TRIM37: variants seen among roughly 807,000 people sequenced by gnomAD.
TRIM37 encodes the protein tripartite motif containing 37.
In TRIM37, 80 loss-of-function variants were observed where a neutral mutation model predicts 129.8. The ratio of observed to expected loss-of-function variants is 0.62; its 90% CI spans 0.51 to 0.74. The LOEUF (loss-of-function observed/expected upper bound fraction) is 0.74, where lower values mean the gene tolerates loss of function less well. Ranked by LOEUF, TRIM37 falls within the 30% of genes least tolerant of loss-of-function variation. The pLI, the probability that TRIM37 is intolerant of heterozygous loss-of-function variation, is 0.00. For missense variants in TRIM37, 1,054 were observed against 1,176.5 expected (o/e 0.90, Z 1.52); for synonymous variants, 389 against 387.1 (o/e 1.00, Z -0.06).
Position 59,025,711 on chromosome 17 carries a change from C to T in TRIM37, c.2257+2704G>A, listed in dbSNP as rs185387305. Among the ~76,000 whole-genome samples, 115 of 152,142 alleles carry T rather than the reference C, an allele frequency of 7.6e-4. 1 individual carries two copies. Among genetic ancestry groups the T allele is most frequent in the African/African-American group, 2.7e-3 (110 of 41,498 alleles). On this transcript the variant is annotated intron_variant, in intron 19 of 23. Transcript: ENST00000262294. ...AATCTTTCTCTGGTTGAAAAAAATT[C>T]GAATATTAAGTGGACCTGTACAGTA...
chr17:59,041,974 T>C, intron 16 of TRIM37, 76 bp from the exon 17 acceptor site: 1 of 975,592 alleles, frequency 1.0e-6, no homozygotes, highest in Non-Finnish European at 1.6e-6. Flanking sequence ...ATAAATTTTA[T>C]GATATGCAGA....
chr17:58,985,405 A>C (rs900990702), intron 24 of TRIM37, among the ~76,000 whole-genome samples: 5 of 152,172 alleles, frequency 3.3e-5, no homozygotes, highest in Non-Finnish European at 5.9e-5. Flanking sequence ...CTGCGAGGAG[A>C]GGGAGTGGTG....
chr17:58,991,979 C>T lies in TRIM37; in HGVS notation c.2891+7402G>A, dbSNP rs1244099488. 2.6e-5 allele frequency among the ~76,000 whole-genome samples: 4 copies of T among 152,210 alleles called. No homozygotes were observed. In the South Asian group the frequency reaches 8.3e-4, roughly 32 times the overall value. The stretch of plus-strand genomic sequence containing the variant: ...TCCACAAGACTGCCCTCATTCCAGA[C>T]ACAAGCTCCAAGTTCCGGGATCCTG... On this transcript the variant is annotated intron_variant, in intron 24 of 24. Coordinates refer to the TRIM37 transcript ENST00000393066.
Position 59,067,690 on chromosome 17 carries a change from C to T in TRIM37, c.809+3133G>A, listed in dbSNP as rs191779494. ...TAGCTGGGATTATAGGCATGCACCA[C>T]CACACCCGGCTAATTTTGTATTTTT... On this transcript the variant is annotated intron_variant, in intron 9 of 23. Transcript: ENST00000262294. Among the ~76,000 whole-genome samples the T allele has an allele frequency of 2.2e-4, 33 of 152,256 alleles. No homozygotes were observed. In the East Asian group the frequency reaches 6.4e-3, roughly 29 times the overall value.
At chr17:59,093,504 G>C (rs1025946845) in intron 2 of TRIM37, among the ~76,000 whole-genome samples, 1 of 152,274 alleles carries the variant, frequency 6.6e-6, no homozygotes, top group South Asian at 2.1e-4. Flanking sequence ...AGCTTTCCCT[G>C]ACACTCTGCA....
chr17:59,078,953 T>C (rs1297164525), intron 7 of TRIM37, among the ~76,000 whole-genome samples: 1 of 152,060 alleles, frequency 6.6e-6, no homozygotes, highest in African/African-American at 2.4e-5. Context: ...TCAAAGATAT[T>C]TGCATCTCAT....
At chr17:59,002,709 C>G (rs2033931371) in intron 22 of TRIM37, among the ~76,000 whole-genome samples, 1 of 152,030 alleles carries the variant, frequency 6.6e-6, no homozygotes, top group Non-Finnish European at 1.5e-5. Context: ...GAAAGGAAAT[C>G]CACAGTGTCA....
At position 59,017,401 on chromosome 17, in the gene TRIM37, G is replaced by A. The variant is rs759865260; in HGVS notation, c.2281C>T (p.Pro761Ser). ...RNSTNKKSNS[P>S]KPARSSVAGS... ...GCTACACTGGATCGAGCTGGCTTGG[G>A]CGAATTACTCTTCTTATTTGTGGCT... is the stretch of plus-strand genomic sequence containing the variant. Residue 761 changes from proline to serine, a missense_variant, in exon 20 of 24, where the codon CCC becomes TCC. Pro to Ser is a moderately conservative substitution (Grantham distance 74). This residue lies in a region of TRIM37 where 287 missense variants were observed against 274.3 expected (regional missense o/e 1.05). Coordinates refer to ENST00000262294, the MANE Select transcript of TRIM37 (RefSeq NM_015294.6). 2 of 1,614,034 alleles carry A rather than the reference G, an allele frequency of 1.2e-6. No individual in the cohort carries two copies. Among genetic ancestry groups the A allele is most frequent in the Admixed American group, 3.3e-5 (2 of 60,000 alleles).
chr17:59,048,348 G>A (rs1418552643), intron 15 of TRIM37, among the ~76,000 whole-genome samples: 2 of 151,970 alleles, frequency 1.3e-5, no homozygotes, highest in African/African-American at 2.4e-5. Flanking sequence ...GCATTCTCTC[G>A]ACCCACTGGG....
chr17:58,982,960 A>G, intron 24 of TRIM37: 1 of 1,554,024 alleles, frequency 6.4e-7, no homozygotes, highest in Non-Finnish European at 8.7e-7. Context: ...GACTATTGGT[A>G]CACATTATAG....
At chr17:59,019,084 A>G (rs2036279040) in intron 19 of TRIM37, among the ~76,000 whole-genome samples, 1 of 152,238 alleles carries the variant, frequency 6.6e-6, no homozygotes, top group African/African-American at 2.4e-5. Context: ...TTTGGAAAAT[A>G]GTCTGGCACT....
At chr17:59,005,194 C>T (rs891528126) in intron 22 of TRIM37, among the ~76,000 whole-genome samples, 5 of 152,174 alleles carry the variant, frequency 3.3e-5, no homozygotes, top group African/African-American at 1.2e-4. Flanking sequence ...GATTCAAAAA[C>T]AATGAATTGG....
intron 14 of TRIM37, among the ~76,000 whole-genome samples, chr17:59,049,922 T>C (rs1456942882): frequency 1.3e-5 from 2 of 152,194 alleles, no homozygotes; most frequent in Admixed American, 1.3e-4. Context: ...AAGCTAAACA[T>C]ACAATTAGCA....
Position 59,106,657 on chromosome 17 carries a change from C to G in TRIM37, c.-196G>C. On this transcript the variant is annotated 5_prime_UTR_variant, in exon 1 of 24. Coordinates refer to ENST00000262294, the MANE Select transcript of TRIM37 (RefSeq NM_015294.6). ...GCCTACCCCCATTTCGCCATTTTTA[C>G]CGGCGCGCCCGCCCCGAGGCGCAGA... 3.1e-6 allele frequency: 2 copies of G among 649,254 alleles called. No individual in the cohort carries two copies. Among genetic ancestry groups the G allele is most frequent in the South Asian group, 3.6e-5 (2 of 55,502 alleles). The allele number at this position is 649,254 out of a possible 1,614,324, so 40.2% of individuals were successfully genotyped here. A position where few individuals can be genotyped will look rare whatever the true frequency, so the allele number is the denominator to read the frequency against.
At chr17:58,980,728 A>G (rs2031306275), downstream of TRIM37, 1 of 1,614,108 alleles carries the variant, frequency 6.2e-7, no homozygotes, top group South Asian at 1.1e-5. The surrounding 1 kb of genome is among the most constrained non-coding windows in gnomAD (Gnocchi z 4.7). Flanking sequence ...TGGAAAATGA[A>G]CAGTTCAAAT....
chr17:59,021,223 C>G (rs1438496869), intron 19 of TRIM37, among the ~76,000 whole-genome samples: 1 of 152,088 alleles, frequency 6.6e-6, no homozygotes, highest in African/African-American at 2.4e-5. Context: ...GAAACCCCAT[C>G]TCTACTAAAA....
chr17:59,033,516 T>A (rs1344159972), intron 17 of TRIM37, among the ~76,000 whole-genome samples: 1 of 152,050 alleles, frequency 6.6e-6, no homozygotes, highest in Non-Finnish European at 1.5e-5. Flanking sequence ...CACGGCAACC[T>A]CCGCCTCCTG....
At chr17:59,031,805 T>C (rs2037874590) in intron 18 of TRIM37, 91 bp downstream of exon 18, 2 of 1,302,994 alleles carry the variant, frequency 1.5e-6, no homozygotes, top group Non-Finnish European at 2.2e-6. Flanking sequence ...TACACCATGT[T>C]CCACACATAG....
At chr17:58,993,205 CT>C (rs1420387703), downstream of TRIM37, among the ~76,000 whole-genome samples, 3 of 152,196 alleles carry the variant, frequency 2.0e-5, no homozygotes, top group Non-Finnish European at 4.4e-5. Context: ...ATTGTGAGGC[CT>C]CCCCAGCCAC....
Sources: gnomAD v4.1 joint callset for allele counts (sites outside exome capture counted in the v4.1 genomes callset) on GRCh38, gnomAD v4.1.1 for gene constraint, gnomAD v4.1.1 regional missense constraint, Gnocchi (gnomAD v3.1) non-coding constraint, MANE v1.5 for transcripts, NCBI Gene and HGNC (gene_info 2026-07-23, HGNC 2026-07-21) for gene names.